Variants in RCAN2 observed in about 807,000 individuals in gnomAD.
RCAN2 encodes regulator of calcineurin 2, also known as calcipressin-2.
In RCAN2, 9 loss-of-function variants were observed where a neutral mutation model predicts 23.6. The observed-to-expected ratio is 0.38, with a 90% CI of 0.23 to 0.67. RCAN2 has a LOEUF of 0.67. Ranked by LOEUF, RCAN2 falls within the 30% of genes least tolerant of loss-of-function variation. The pLI, the probability that RCAN2 is intolerant of heterozygous loss-of-function variation, is 0.51. For missense variants in RCAN2, 273 were observed against 302.3 expected (o/e 0.90, Z 0.72); for synonymous variants, 109 against 115.7 (o/e 0.94, Z 0.37).
chr6:46,223,237 G>A lies in RCAN2; in HGVS notation c.636C>T (p.Asp212=). The A allele has an allele frequency of 6.2e-7, 1 of 1,613,920 alleles. No homozygotes were observed. Among genetic ancestry groups the A allele is most frequent in the Non-Finnish European group, 8.5e-7 (1 of 1,179,912 alleles). ...GGTCCTCTTCTTCCTCTATGTCACT[G>A]TCGCACACGTGCACGACGACACTTG... ...STPSVVVHVC[D]SDIEEEEDPK... is the part of the protein sequence containing the mutation. The change falls in exon 5 of 5, where the codon GAC becomes GAT. Residue 212 remains aspartate, a synonymous_variant. Transcript: ENST00000371374.
chr6:46,333,333 C>T (rs527813817), intron 2 of RCAN2, among the ~76,000 whole-genome samples: 4 of 152,276 alleles, frequency 2.6e-5, no homozygotes, highest in South Asian at 4.1e-4. Flanking sequence ...GTGATGCTGG[C>T]GATCACACCA....
At chr6:46,483,218 A>G (rs1344879274) in intron 1 of RCAN2, among the ~76,000 whole-genome samples, 2 of 152,206 alleles carry the variant, frequency 1.3e-5, no homozygotes, top group African/African-American at 4.8e-5. Context: ...AGCAGTTTTC[A>G]CACAGCCTGA....
At chr6:46,459,466 T>C (rs1315067843) in intron 1 of RCAN2, among the ~76,000 whole-genome samples, 2 of 152,248 alleles carry the variant, frequency 1.3e-5, no homozygotes, top group African/African-American at 4.8e-5. Context: ...TCAAATAGCC[T>C]TAATTTCTAT....
chr6:46,420,798 C>T (rs1368839344), intron 2 of RCAN2, among the ~76,000 whole-genome samples: 4 of 152,044 alleles, frequency 2.6e-5, no homozygotes, highest in Non-Finnish European at 4.4e-5. Flanking sequence ...CTGCCCTCCT[C>T]GGCCCCCCAA....
intron 1 of RCAN2, among the ~76,000 whole-genome samples, chr6:46,458,457 T>G (rs1057115224): frequency 1.3e-5 from 2 of 152,108 alleles, no homozygotes; most frequent in Non-Finnish European, 2.9e-5. Context: ...TGAGGTGATA[T>G]CTCTAAAATC....
chr6:46,267,052 T>A (rs1767357111), intron 2 of RCAN2, among the ~76,000 whole-genome samples: 1 of 152,212 alleles, frequency 6.6e-6, no homozygotes, highest in Non-Finnish European at 1.5e-5. Context: ...GGATAAGTTT[T>A]TTCAAAATCA....
intron 2 of RCAN2, among the ~76,000 whole-genome samples, chr6:46,432,320 T>A (rs1767233967): frequency 1.3e-5 from 2 of 152,080 alleles, no homozygotes; most frequent in Non-Finnish European, 2.9e-5. Flanking sequence ...TTCAAGCAAT[T>A]CTCTTGCCTC....
At chr6:46,349,894 C>T (rs1764593875) in intron 2 of RCAN2, among the ~76,000 whole-genome samples, 1 of 152,146 alleles carries the variant, frequency 6.6e-6, no homozygotes, top group Admixed American at 6.5e-5. Flanking sequence ...ATATCATTCC[C>T]TGCTCTCACC....
intron 1 of RCAN2, among the ~76,000 whole-genome samples, chr6:46,488,851 A>T (rs2150451513): frequency 6.6e-6 from 1 of 152,288 alleles, no homozygotes; most frequent in Middle Eastern, 3.4e-3. Flanking sequence ...CATCTGGTTC[A>T]GGCACATTTC....
At chr6:46,415,732 C>T (rs1210555189) in intron 2 of RCAN2, among the ~76,000 whole-genome samples, 10 of 152,088 alleles carry the variant, frequency 6.6e-5, no homozygotes. Flanking sequence ...TAGGGTGATG[C>T]CCAGTCATAG....
intron 2 of RCAN2, among the ~76,000 whole-genome samples, chr6:46,265,421 G>A (rs1285230082): frequency 6.6e-6 from 1 of 152,196 alleles, no homozygotes; most frequent in African/African-American, 2.4e-5. Context: ...TGGTAGAAAT[G>A]AAAGTTTAGG....
At chr6:46,418,523 G>A (rs190908909) in intron 2 of RCAN2, among the ~76,000 whole-genome samples, 48 of 151,424 alleles carry the variant, frequency 3.2e-4, no homozygotes, top group African/African-American at 8.0e-4. Context: ...TGTCATTCTC[G>A]TCTGACCAGT....
At chr6:46,271,283 G>A (rs1289706485) in intron 2 of RCAN2, among the ~76,000 whole-genome samples, 1 of 152,180 alleles carries the variant, frequency 6.6e-6, no homozygotes, top group Non-Finnish European at 1.5e-5. Context: ...GAGGTAAGAT[G>A]AGTTGCAGCT....
At chr6:46,383,455 T>C (rs939348912) in intron 2 of RCAN2, among the ~76,000 whole-genome samples, 1 of 152,110 alleles carries the variant, frequency 6.6e-6, no homozygotes, top group Non-Finnish European at 1.5e-5. Context: ...AAATCTTTCT[T>C]GTTGGGCAAG....
chr6:46,309,836 G>T (rs968135365), intron 2 of RCAN2, among the ~76,000 whole-genome samples: 1 of 152,092 alleles, frequency 6.6e-6, no homozygotes, highest in Non-Finnish European at 1.5e-5. Context: ...GACTAGTAAG[G>T]AATTCAATTT....
At position 46,222,388 on chromosome 6, in the gene RCAN2, A is replaced by T. The variant is rs1296239129; in HGVS notation, c.*753T>A. ...ATAGGTTTGTCTGAAATCAGTCTCT[A>T]TCACCCTGGACAAGCCTCCCCAACG... On this transcript the variant is annotated 3_prime_UTR_variant, in exon 5 of 5. Coordinates refer to ENST00000371374, the MANE Select transcript of RCAN2 (RefSeq NM_001251974.2). The T allele has an allele frequency of 6.4e-6, 1 of 157,076 alleles. No individual in the cohort carries two copies. Among genetic ancestry groups the T allele is most frequent in the African/African-American group, 2.4e-5 (1 of 41,682 alleles). The allele number at this position is 157,076 out of a possible 1,614,324, so 9.7% of individuals were successfully genotyped here.
chr6:46,456,650 ATTTC>A, intron 2 of RCAN2, 98 bp downstream of exon 2: 1 of 861,244 alleles, frequency 1.2e-6, no homozygotes, highest in Non-Finnish European at 1.8e-6. Flanking sequence ...CCAACTAAAC[ATTTC>A]CAAAAACTTC....
intron 2 of RCAN2, among the ~76,000 whole-genome samples, chr6:46,255,131 C>T (rs1047525593): frequency 2.0e-5 from 3 of 152,296 alleles, no homozygotes; most frequent in African/African-American, 7.2e-5. Flanking sequence ...TGCAGACCTA[C>T]AGAACCAGAT....
At chr6:46,378,004 C>T (rs1765524077) in intron 2 of RCAN2, among the ~76,000 whole-genome samples, 1 of 152,220 alleles carries the variant, frequency 6.6e-6, no homozygotes, top group Non-Finnish European at 1.5e-5. Context: ...AAAATGTCAG[C>T]TACTTCCATA....
Sources: gnomAD v4.1 joint callset for allele counts (sites outside exome capture counted in the v4.1 genomes callset) on GRCh38, gnomAD v4.1.1 for gene constraint, MANE v1.5 for transcripts, NCBI Gene and HGNC (gene_info 2026-07-23, HGNC 2026-07-21) for gene names.